CAMTA1: variants seen among roughly 807,000 people sequenced by gnomAD.
CAMTA1 encodes calmodulin-binding transcription activator 1.
Under a neutral mutation model 170.9 loss-of-function variants are expected in CAMTA1, and 27 were observed. The ratio of observed to expected loss-of-function variants is 0.16; its 90% confidence interval spans 0.12 to 0.22. The LOEUF is 0.22. CAMTA1 is among the 10% of genes least tolerant of loss of function. The pLI is 1.00. For synonymous variants in CAMTA1, 833 were observed against 891.5 expected, an observed-to-expected ratio of 0.93 and a Z score of 1.17; for missense variants, 1,619 against 2,217.2, an observed-to-expected ratio of 0.73 and a Z score of 5.42.
At chr1:7,344,340 C>A (rs1010988206) in intron 5 of CAMTA1, among the ~76,000 whole-genome samples, 1 of 152,190 alleles carries the variant, frequency 6.6e-6, no homozygotes, top group Non-Finnish European at 1.5e-5. Flanking sequence ...TTAGAGCCAA[C>A]CCAGAAGCTC....
intron 6 of CAMTA1, among the ~76,000 whole-genome samples, chr1:7,491,218 C>A (rs1384494697): frequency 2.0e-5 from 3 of 152,302 alleles, no homozygotes; most frequent in Non-Finnish European, 4.4e-5. Context: ...ACCTGAGCCG[C>A]ACTCACCAAG....
intron 3 of CAMTA1, among the ~76,000 whole-genome samples, chr1:6,902,275 G>T (rs1677279882): frequency 6.6e-6 from 1 of 152,116 alleles, no homozygotes; most frequent in Non-Finnish European, 1.5e-5. Context: ...AAATTTGTAT[G>T]GGAACATTTA....
chr1:7,030,187 C>T (rs1702594586), intron 3 of CAMTA1, among the ~76,000 whole-genome samples: 1 of 152,122 alleles, frequency 6.6e-6, no homozygotes, highest in African/African-American at 2.4e-5. Context: ...TCCGCAGAAG[C>T]CCACCTTAAA....
At position 7,744,848 on chromosome 1, in the gene CAMTA1, C is replaced by A; in HGVS notation, c.4196C>A (p.Thr1399Asn). The A allele has an allele frequency of 6.2e-7, 1 of 1,612,916 alleles. No homozygotes were observed. Among genetic ancestry groups the A allele is most frequent in the Non-Finnish European group, 8.5e-7 (1 of 1,179,406 alleles). Residue 1399 changes from threonine (T) to asparagine (N), a missense_variant, in exon 17 of 23, where the codon ACC becomes AAC. By Grantham distance (65) the Thr-to-Asn change is moderately conservative (BLOSUM62 0). This residue lies in a region of CAMTA1 where 370 missense variants were observed against 429.4 expected (regional missense o/e 0.86). Coordinates refer to ENST00000303635, the MANE Select transcript of CAMTA1 (RefSeq NM_015215.4). ...PMDDIQVNMM[T>N]LAEHIIEATP... Reference sequence around the variant, plus strand: ...TTCTGACTTCAGGTGAACATGATGACCTTGGCAGAACACATTATTGAAGCC... The same window carrying A: ...TTCTGACTTCAGGTGAACATGATGAACTTGGCAGAACACATTATTGAAGCC...
At chr1:7,073,821 A>C (rs974719181) in intron 3 of CAMTA1, among the ~76,000 whole-genome samples, 1 of 152,228 alleles carries the variant, frequency 6.6e-6, no homozygotes, top group Non-Finnish European at 1.5e-5. Context: ...GGAGGCAGGC[A>C]ATATAAACAC....
chr1:7,258,239 A>G (rs570067679), intron 5 of CAMTA1, among the ~76,000 whole-genome samples: 78 of 152,290 alleles, frequency 5.1e-4, no homozygotes, highest in African/African-American at 1.8e-3. Context: ...CCTTCCTTGT[A>G]TCTCTGGTAG....
chr1:7,306,229 G>A (rs1236322044), intron 5 of CAMTA1, among the ~76,000 whole-genome samples: 3 of 151,680 alleles, frequency 2.0e-5, no homozygotes, highest in East Asian at 3.9e-4. Flanking sequence ...TCCTATGTTC[G>A]CTTTTAAAAA....
At chr1:6,967,323 G>T (rs1377636169) in intron 3 of CAMTA1, among the ~76,000 whole-genome samples, 1 of 151,910 alleles carries the variant, frequency 6.6e-6, no homozygotes, top group Non-Finnish European at 1.5e-5. Context: ...CTAGATTGAG[G>T]GAGACATAGG....
At chr1:7,696,806 G>A (rs943852116) in intron 11 of CAMTA1, among the ~76,000 whole-genome samples, 2 of 152,144 alleles carry the variant, frequency 1.3e-5, no homozygotes, top group African/African-American at 2.4e-5. Flanking sequence ...AGAGAAGGCC[G>A]TGGCAGCCCA....
At chr1:7,123,917 G>T (rs928407079) in intron 4 of CAMTA1, among the ~76,000 whole-genome samples, 1 of 152,152 alleles carries the variant, frequency 6.6e-6, no homozygotes, top group Admixed American at 6.5e-5. Flanking sequence ...TGGGCTTCAC[G>T]GGGAAAGTGT....
rs112571156 is a variant in CAMTA1, at chr1:6,884,291, GACACACACACACACAC to G, written c.234+59111_234+59126del. 3.5e-4 allele frequency among the ~76,000 whole-genome samples: 48 copies of G among 136,656 alleles called. 2 individuals are homozygous for G. Among genetic ancestry groups the G allele is most frequent in the South Asian group, 3.0e-3 (12 of 4,014 alleles). The allele number at this position is 136,656 out of a possible 152,430, so 89.7% of individuals were successfully genotyped here. On this transcript the variant is annotated intron_variant, in intron 3 of 22. Transcript: ENST00000303635. ...CAGAGAATTTAGCTTATTCTCTAGA[GACACACACACACACAC>G]ACACACACACACACACACACACACA... is the stretch of plus-strand genomic sequence containing the variant.
At chr1:7,316,509 G>A (rs1677527246) in intron 5 of CAMTA1, among the ~76,000 whole-genome samples, 1 of 152,158 alleles carries the variant, frequency 6.6e-6, no homozygotes, top group Non-Finnish European at 1.5e-5. Flanking sequence ...CTCAATAAGT[G>A]GTATTTATTG....
chr1:6,900,181 G>A (rs889114752), intron 3 of CAMTA1, among the ~76,000 whole-genome samples: 2 of 152,184 alleles, frequency 1.3e-5, no homozygotes, highest in Non-Finnish European at 2.9e-5. Flanking sequence ...TCATTGCTTG[G>A]TACATTGGTA....
At chr1:7,196,415 A>G (rs529379825) in intron 4 of CAMTA1, among the ~76,000 whole-genome samples, 1 of 152,274 alleles carries the variant, frequency 6.6e-6, no homozygotes, top group African/African-American at 2.4e-5. Context: ...AAGAAAACAT[A>G]CATTCTTAGA....
At chr1:7,090,063 C>T (rs1013274876) in intron 3 of CAMTA1, among the ~76,000 whole-genome samples, 25 of 152,304 alleles carry the variant, frequency 1.6e-4, no homozygotes, top group African/African-American at 5.5e-4. Context: ...GTCCAGGCTT[C>T]CGGACAGAGG....
At chr1:7,612,569 C>CG (rs997008194) in intron 6 of CAMTA1, among the ~76,000 whole-genome samples, 9 of 152,238 alleles carry the variant, frequency 5.9e-5, no homozygotes, top group African/African-American at 1.9e-4. Context: ...GGCTTGAGGG[C>CG]GGGGCCTTTG....
chr1:7,760,149 T>TA (rs2096963676), intron 22 of CAMTA1, among the ~76,000 whole-genome samples: 1 of 152,200 alleles, frequency 6.6e-6, no homozygotes, highest in Non-Finnish European at 1.5e-5. Flanking sequence ...AAAACCTTAA[T>TA]TGGAGGAAGA....
At chr1:6,861,354 T>C (rs762413626) in intron 3 of CAMTA1, among the ~76,000 whole-genome samples, 15 of 152,176 alleles carry the variant, frequency 9.9e-5, no homozygotes, top group Non-Finnish European at 1.5e-4. Flanking sequence ...GCAGCAGAAG[T>C]TGTAGGTTAA....
Position 7,585,085 on chromosome 1 carries a change from C to G in CAMTA1, c.511-55315C>G, listed in dbSNP as rs2095297971. On this transcript the variant is annotated intron_variant, in intron 6 of 22. Coordinates refer to ENST00000303635, the MANE Select transcript of CAMTA1 (RefSeq NM_015215.4). The surrounding 1 kb of genome is among the most constrained non-coding windows in gnomAD (Gnocchi z 4.8). Reference sequence around the variant, plus strand: ...CTGCAGCAAAATTTATGAATATTCACACAAAGAGGGATGAACTGAGACTAT... The same window carrying G: ...CTGCAGCAAAATTTATGAATATTCAGACAAAGAGGGATGAACTGAGACTAT... Among the ~76,000 whole-genome samples the G allele has an allele frequency of 6.6e-6, 1 of 152,142 alleles. No homozygotes were observed. The highest frequency in any genetic ancestry group is 1.5e-5 in the Non-Finnish European group (1 of 68,038).
Sources: gnomAD v4.1 joint callset for allele counts (sites outside exome capture counted in the v4.1 genomes callset) on GRCh38, gnomAD v4.1.1 for gene constraint, gnomAD v4.1.1 regional missense constraint, Gnocchi (gnomAD v3.1) non-coding constraint, MANE v1.5 for transcripts, NCBI Gene and HGNC (gene_info 2026-07-23, HGNC 2026-07-21) for gene names.